The following GPAT4 variants were observed in gnomAD, a reference collection of about 807,000 sequenced individuals.
GPAT4 encodes 1-AGP acyltransferase 6.
GPAT4 carries 17 observed loss-of-function variants against 58.0 expected under a neutral mutation model. The observed-to-expected ratio is 0.29, with a 90% CI of 0.20 to 0.44. The LOEUF is 0.44. GPAT4 is among the 20% of genes least tolerant of loss of function. GPAT4 has a pLI of 1.00. For missense variants in GPAT4, 377 were observed against 574.5 expected (o/e 0.66, Z 3.51); for synonymous variants, 204 against 210.1 (o/e 0.97, Z 0.25).
At position 41,610,726 on chromosome 8, in the gene GPAT4, C is replaced by T; in HGVS notation, c.537-10C>T. On this transcript the variant is annotated splice_polypyrimidine_tract_variant and intron_variant, in intron 4 of 12. Transcript: ENST00000396987. ...TGCTGGCTGTGCTCTAACTTTTCTT[C>T]TTCTTACAGGATAGCACTGGCTTTC... 1 of 1,602,956 alleles carries T rather than the reference C, an allele frequency of 6.2e-7. No homozygotes were observed. Among genetic ancestry groups the T allele is most frequent in the African/African-American group, 1.3e-5 (1 of 74,616 alleles).
intron 2 of GPAT4, among the ~76,000 whole-genome samples, chr8:41,605,753 G>A (rs773754511): frequency 3.8e-4 from 58 of 152,150 alleles, no homozygotes; most frequent in Admixed American, 1.2e-3. Flanking sequence ...TGTAGTGTTA[G>A]TAGAGATGGG....
At chr8:41,607,717 C>G (rs763466065) in intron 2 of GPAT4, among the ~76,000 whole-genome samples, 9 of 151,892 alleles carry the variant, frequency 5.9e-5, no homozygotes, top group African/African-American at 2.2e-4. Context: ...TTTTTAGATA[C>G]GGGATTTTGC....
chr8:41,599,113 G>A lies in GPAT4; in HGVS notation c.-27G>A. The stretch of plus-strand genomic sequence containing the variant: ...CTGCAATTTGTTCTTAGGGAGGCAG[G>A]TGCTGGCCTGGCCTGGATCTTCCAC... On this transcript the variant is annotated 5_prime_UTR_variant, in exon 2 of 13. It adds an upstream start codon to the 5' untranslated region. Coordinates refer to ENST00000396987, the MANE Select transcript of GPAT4 (RefSeq NM_178819.4). 6.3e-7 allele frequency: 1 copy of A among 1,596,256 alleles called. No individual in the cohort carries two copies. Among genetic ancestry groups the A allele is most frequent in the South Asian group, 1.1e-5 (1 of 88,688 alleles).
Position 41,598,858 on chromosome 8 carries a change from C to T in GPAT4, c.-282C>T, listed in dbSNP as rs954492684. On this transcript the variant is annotated 5_prime_UTR_variant, in exon 2 of 13. Transcript: ENST00000396987. The stretch of plus-strand genomic sequence containing the variant: ...CTTGCACAGAAACTCCATCTGGACT[C>T]GGATGCTTTTACTGAAGACCCATCT... 42 of 381,984 alleles carry T rather than the reference C, an allele frequency of 1.1e-4. No homozygotes were observed. The highest frequency in any genetic ancestry group is 1.7e-4 in the Non-Finnish European group (36 of 216,412). The allele number at this position is 381,984 out of a possible 1,614,324, so 23.7% of individuals were successfully genotyped here. A position where few individuals can be genotyped will look rare whatever the true frequency, so the allele number is the denominator to read the frequency against.
chr8:41,589,301 T>G (rs1032054512), intron 1 of GPAT4, among the ~76,000 whole-genome samples: 4 of 140,802 alleles, frequency 2.8e-5, no homozygotes, highest in Non-Finnish European at 4.6e-5. Flanking sequence ...TTAGGCCAGT[T>G]TGGTGTTCTC....
intron 1 of GPAT4, among the ~76,000 whole-genome samples, chr8:41,580,170 C>T (rs956026613): frequency 6.6e-6 from 1 of 152,180 alleles, no homozygotes; most frequent in African/African-American, 2.4e-5. Context: ...TCTTAAAAAT[C>T]AATTTGGGGC....
intron 2 of GPAT4, among the ~76,000 whole-genome samples, chr8:41,601,191 G>T (rs545559265): frequency 6.6e-6 from 1 of 151,932 alleles, no homozygotes; most frequent in African/African-American, 2.4e-5. Context: ...CTCAGAGAGC[G>T]ATCTGGAGAG....
intron 12 of GPAT4, 103 bp downstream of exon 12, chr8:41,619,080 T>A: frequency 7.1e-7 from 1 of 1,400,692 alleles, no homozygotes; most frequent in Non-Finnish European, 9.9e-7. Context: ...ATTAAACTTG[T>A]CAGCTCTAGA....
At chr8:41,586,379 A>G (rs1802655099) in intron 1 of GPAT4, among the ~76,000 whole-genome samples, 1 of 152,174 alleles carries the variant, frequency 6.6e-6, no homozygotes, top group Non-Finnish European at 1.5e-5. Context: ...GTAAGCATTC[A>G]TGTGCAATTT....
At chr8:41,615,398 A>G (rs1254018698) in intron 10 of GPAT4, among the ~76,000 whole-genome samples, 1 of 145,832 alleles carries the variant, frequency 6.9e-6, no homozygotes, top group Admixed American at 6.9e-5. Flanking sequence ...ATTGCAGGGC[A>G]CAGTGGTGTG....
chr8:41,581,625 CTTT>C (rs567790530), intron 1 of GPAT4, among the ~76,000 whole-genome samples: 1 of 110,548 alleles, frequency 9.0e-6, no homozygotes, highest in Admixed American at 9.2e-5. Flanking sequence ...CCTTTGTTGA[CTTT>C]TTTTTTTTTT....
At chr8:41,606,938 C>T (rs75363331) in intron 2 of GPAT4, among the ~76,000 whole-genome samples, 2 of 152,206 alleles carry the variant, frequency 1.3e-5, no homozygotes, top group Admixed American at 6.5e-5. Flanking sequence ...GTTTACTTCA[C>T]GTTGTCTCCT....
At chr8:41,610,657 C>A in intron 4 of GPAT4, 79 bp from the exon 5 acceptor site, 1 of 1,584,324 alleles carries the variant, frequency 6.3e-7, no homozygotes, top group Non-Finnish European at 8.6e-7. Context: ...TGTGATGCCC[C>A]CTTTGATTTT....
At chr8:41,608,715 A>G (rs1323647566) in intron 2 of GPAT4, among the ~76,000 whole-genome samples, 3 of 152,236 alleles carry the variant, frequency 2.0e-5, no homozygotes, top group Non-Finnish European at 4.4e-5. Flanking sequence ...AGTTTGAGGT[A>G]GTATCAATCC....
At chr8:41,602,059 A>G (rs143293306) in intron 2 of GPAT4, among the ~76,000 whole-genome samples, 343 of 152,282 alleles carry the variant, frequency 2.3e-3, no homozygotes, top group African/African-American at 6.1e-3. Context: ...GGTTCAAGCA[A>G]TTCTCCTGCC....
intron 1 of GPAT4, among the ~76,000 whole-genome samples, chr8:41,592,630 A>G (rs1802818154): frequency 6.6e-6 from 1 of 152,160 alleles, no homozygotes; most frequent in Non-Finnish European, 1.5e-5. Context: ...CATACATAAC[A>G]TGAAGTGACA....
At position 41,606,572 on chromosome 8, in the gene GPAT4, A is replaced by G. The variant is rs141656498; in HGVS notation, c.166-2844A>G. 8.6e-5 allele frequency among the ~76,000 whole-genome samples: 13 copies of G among 151,820 alleles called. No homozygotes were observed. In the East Asian group the frequency reaches 2.1e-3, roughly 25 times the overall value. On this transcript the variant is annotated intron_variant, in intron 2 of 12. Coordinates refer to ENST00000396987, the MANE Select transcript of GPAT4 (RefSeq NM_178819.4). ...CAACTCTCAAAAGCAGATTAATAAA[A>G]GAAAAGACGTACAAATTTATTAATG...
In GPAT4 at chr8:41,611,877, C is replaced by T. The variant is rs574807915; in HGVS notation, c.612-26C>T. 4.2e-5 allele frequency: 68 copies of T among 1,608,850 alleles called. 1 individual carries two copies. The East Asian group carries it at 1.5e-3, about 35-fold the overall frequency. ...TGTCTTCCTGTATGTAAAATAAAAC[C>T]CAGAATCCTTGTCCTGTTATTGCAG... On this transcript the variant is annotated intron_variant, in intron 5 of 12. Coordinates refer to ENST00000396987, the MANE Select transcript of GPAT4 (RefSeq NM_178819.4).
chr8:41,601,106 T>G (rs1344655843), intron 2 of GPAT4, among the ~76,000 whole-genome samples: 1 of 150,196 alleles, frequency 6.7e-6, no homozygotes, highest in Admixed American at 6.7e-5. Context: ...TTTGAGTACC[T>G]GTTTTTTTAA....
Sources: allele counts gnomAD v4.1 joint callset (sites outside exome capture counted in the v4.1 genomes callset), GRCh38; gene constraint gnomAD v4.1.1; transcripts MANE v1.5; gene names NCBI Gene and HGNC (gene_info 2026-07-23, HGNC 2026-07-21).